NECTIN1: variants seen among roughly 807,000 people sequenced by gnomAD.
NECTIN1 encodes nectin cell adhesion molecule 1.
Under a neutral mutation model 48.0 loss-of-function variants are expected in NECTIN1, and 23 were observed. The ratio of observed to expected loss-of-function variants is 0.48; its 90% CI spans 0.34 to 0.68. The LOEUF is 0.68. Ranked by LOEUF, NECTIN1 falls within the 30% of genes least tolerant of loss-of-function variation. NECTIN1 has a pLI of 0.01. For synonymous variants in NECTIN1, 270 were observed against 288.9 expected (o/e 0.93, Z 0.66); for missense variants, 591 against 709.9 (o/e 0.83, Z 1.90).
intron 1 of NECTIN1, among the ~76,000 whole-genome samples, 194 bp downstream of exon 1, chr11:119,728,281 T>C (rs1591494624): frequency 6.6e-6 from 1 of 152,236 alleles, no homozygotes; most frequent in Non-Finnish European, 1.5e-5. Context: ...ATCTGACTGC[T>C]TCCCTGCAGG....
At chr11:119,651,923 G>A (rs942440098) in intron 5 of NECTIN1, among the ~76,000 whole-genome samples, 3 of 152,110 alleles carry the variant, frequency 2.0e-5, no homozygotes, top group African/African-American at 7.2e-5. Flanking sequence ...ATGCAGAGAG[G>A]GGTCATGGAA....
intron 5 of NECTIN1, among the ~76,000 whole-genome samples, chr11:119,646,811 G>A (rs1864401445): frequency 6.6e-6 from 1 of 152,186 alleles, no homozygotes; most frequent in Admixed American, 6.5e-5. Context: ...TCTAATCTTG[G>A]GCAAGTCACT....
chr11:119,668,548 C>T (rs572872617), intron 5 of NECTIN1, among the ~76,000 whole-genome samples: 3 of 152,174 alleles, frequency 2.0e-5, no homozygotes, highest in Admixed American at 6.5e-5. Context: ...CAGTTTGCCC[C>T]GCCAGGAGTG....
At chr11:119,643,659 G>A (rs550732115) in intron 5 of NECTIN1, among the ~76,000 whole-genome samples, 4 of 152,338 alleles carry the variant, frequency 2.6e-5, no homozygotes, top group African/African-American at 9.6e-5. Flanking sequence ...GAAGGGGCCT[G>A]GTGCTGGCCC....
At chr11:119,655,066 C>T (rs558483074) in intron 5 of NECTIN1, among the ~76,000 whole-genome samples, 13 of 151,800 alleles carry the variant, frequency 8.6e-5, no homozygotes, top group Admixed American at 3.9e-4. Flanking sequence ...CCCACCACCA[C>T]GCCTGGCTAA....
chr11:119,695,355 C>A (rs916485400), intron 1 of NECTIN1, among the ~76,000 whole-genome samples: 1 of 151,638 alleles, frequency 6.6e-6, no homozygotes, highest in African/African-American at 2.4e-5. Flanking sequence ...CTCCTACCCA[C>A]CCTTCAACAC....
Position 119,640,011 on chromosome 11 carries a change from T to G in NECTIN1, c.1005A>C (p.Glu335Asp), listed in dbSNP as rs112109871. Residue 335 changes from glutamate (E) to aspartate (D), a missense_variant and splice_region_variant, in exon 6 of 8, where the codon GAA (glutamate) becomes GAC (aspartate). Physicochemically the swap from Glu to Asp is conservative, Grantham distance 45. Coordinates refer to the NECTIN1 transcript ENST00000341398. ...CCAGACCCCTCTGGGGGCGGGGCTTTTCTGGAAACAAAAGACAGGGAAGAG... is the reference window on the plus strand; with the variant it reads ...CCAGACCCCTCTGGGGGCGGGGCTTGTCTGGAAACAAAAGACAGGGAAGAG... The G allele has an allele frequency of 1.9e-6, 3 of 1,610,514 alleles. No individual in the cohort carries two copies. The African/African-American group carries it at 4.0e-5, about 21-fold the overall frequency.
At chr11:119,706,898 A>G (rs1865556919) in intron 1 of NECTIN1, among the ~76,000 whole-genome samples, 1 of 152,218 alleles carries the variant, frequency 6.6e-6, no homozygotes, top group Admixed American at 6.5e-5. Flanking sequence ...GAAGAAACTG[A>G]GGACCAGAGT....
chr11:119,647,225 CTGTGA>C (rs1864410961), intron 5 of NECTIN1, among the ~76,000 whole-genome samples: 1 of 55,818 alleles, frequency 1.8e-5, no homozygotes, highest in African/African-American at 5.9e-5. Flanking sequence ...GTGTGTGTGA[CTGTGA>C]CCCCCTTTGG....
chr11:119,674,880 C>G lies in NECTIN1; in HGVS notation c.1003+279G>C, dbSNP rs555919999. Among the ~76,000 whole-genome samples, 11 of 152,298 alleles carry G rather than the reference C, an allele frequency of 7.2e-5. No individual in the cohort carries two copies. In the East Asian group the frequency reaches 1.9e-3, roughly 27 times the overall value. ...CAGATCTACGGGCAGGTTCTATTGG[C>G]CCCCAAAACAGCATTGCTGTAAACA... On this transcript the variant is annotated intron_variant, in intron 5 of 5. Coordinates refer to ENST00000264025, the MANE Select transcript of NECTIN1 (RefSeq NM_002855.5).
intron 5 of NECTIN1, among the ~76,000 whole-genome samples, chr11:119,646,613 G>T (rs1864399293): frequency 6.6e-6 from 1 of 152,162 alleles, no homozygotes; most frequent in South Asian, 2.1e-4. Flanking sequence ...GGTAACTGGA[G>T]CTCAGAGAAG....
At chr11:119,638,304 G>T in intron 7 of NECTIN1, 2 of 1,604,376 alleles carry the variant, frequency 1.2e-6, no homozygotes, top group Non-Finnish European at 1.7e-6. Flanking sequence ...GCTCCAGGTG[G>T]CCCTCATGGA....
intron 5 of NECTIN1, among the ~76,000 whole-genome samples, chr11:119,652,213 GT>G (rs763117368): frequency 1.2e-4 from 18 of 152,300 alleles, no homozygotes; most frequent in African/African-American, 2.2e-4. Flanking sequence ...CCAGAGGAAG[GT>G]TTTCCAGCGA....
chr11:119,654,068 T>A (rs952862596), intron 5 of NECTIN1: 1 of 152,038 alleles, frequency 6.6e-6, no homozygotes, highest in Non-Finnish European at 1.5e-5. Flanking sequence ...GGAATAAGCA[T>A]CCAAAAGGAA....
chr11:119,638,444 C>T, intron 7 of NECTIN1, among the ~76,000 whole-genome samples: 1 of 152,208 alleles, frequency 6.6e-6, no homozygotes, highest in East Asian at 1.9e-4. Context: ...AGGGACCCAG[C>T]TTGGGGCCAG....
At chr11:119,647,362 A>G (rs776942405) in intron 5 of NECTIN1, among the ~76,000 whole-genome samples, 9 of 151,940 alleles carry the variant, frequency 5.9e-5, no homozygotes, top group Non-Finnish European at 1.0e-4. Flanking sequence ...TTGAGTTGTC[A>G]TTAGGAGTAA....
Position 119,664,442 on chromosome 11 carries a change from GA to G in NECTIN1, c.*304del. On this transcript the variant is annotated 3_prime_UTR_variant, in exon 6 of 6. Transcript: ENST00000264025. The stretch of plus-strand genomic sequence containing the variant: ...CCTGGAGGGATGCCCAGGTACACAA[GA>G]CGAGAACAGGGCTCCCTACACAGAG... 8.5e-7 allele frequency: 1 copy of G among 1,182,870 alleles called. No homozygotes were observed. Among genetic ancestry groups the G allele is most frequent in the Non-Finnish European group, 1.0e-6 (1 of 952,564 alleles). 73.3% of individuals were successfully genotyped at this position (1,182,870 alleles called of 1,614,324 possible). A position where few individuals can be genotyped will look rare whatever the true frequency, so the allele number is the denominator to read the frequency against.
At chr11:119,705,424 A>G (rs958707855) in intron 1 of NECTIN1, among the ~76,000 whole-genome samples, 4 of 152,242 alleles carry the variant, frequency 2.6e-5, no homozygotes, top group Non-Finnish European at 4.4e-5. Context: ...TAGATCAAAG[A>G]TGCCCAGAGA....
chr11:119,689,906 A>C (rs1435112529), intron 1 of NECTIN1, among the ~76,000 whole-genome samples: 2 of 152,264 alleles, frequency 1.3e-5, no homozygotes, highest in Non-Finnish European at 1.5e-5. Flanking sequence ...CTTGAGAAGA[A>C]GAAGGTATCT....
Sources: gnomAD v4.1 joint callset for allele counts (sites outside exome capture counted in the v4.1 genomes callset) on GRCh38, gnomAD v4.1.1 for gene constraint, MANE v1.5 for transcripts, NCBI Gene and HGNC (gene_info 2026-07-23, HGNC 2026-07-21) for gene names.